MAPKAPK2: variants seen among roughly 807,000 people sequenced by gnomAD.
MAPKAPK2 encodes the protein MAP kinase-activated protein kinase 2.
MAPKAPK2 carries 9 observed loss-of-function variants against 48.8 expected under a neutral mutation model. That is an observed-to-expected ratio of 0.18 (90% CI 0.11 to 0.32). The LOEUF is 0.32. Ranked by LOEUF, MAPKAPK2 falls within the 10% of genes least tolerant of loss-of-function variation. The pLI, the probability that MAPKAPK2 is intolerant of heterozygous loss-of-function variation, is 1.00. For synonymous variants in MAPKAPK2, 202 were observed against 190.6 expected, an observed-to-expected ratio of 1.06 and a Z score of -0.49; for missense variants, 331 against 498.3, an observed-to-expected ratio of 0.66 and a Z score of 3.20.
intron 1 of MAPKAPK2, among the ~76,000 whole-genome samples, chr1:206,713,003 C>CACACACACACACAT (rs1673207778): frequency 6.6e-6 from 1 of 151,264 alleles, no homozygotes; most frequent in Non-Finnish European, 1.5e-5. Context: ...CACACACACA[C>CACACACACACACAT]ACTAATAGGT....
chr1:206,715,013 G>A (rs533554060), intron 1 of MAPKAPK2, among the ~76,000 whole-genome samples: 42 of 152,216 alleles, frequency 2.8e-4, no homozygotes, highest in Non-Finnish European at 3.2e-4. Flanking sequence ...ACTGCCAGCA[G>A]TGGTTCTGGA....
At chr1:206,697,619 C>T (rs1011468569) in intron 1 of MAPKAPK2, among the ~76,000 whole-genome samples, 2 of 152,152 alleles carry the variant, frequency 1.3e-5, no homozygotes, top group African/African-American at 2.4e-5. Context: ...AGGAGGGCAC[C>T]AAGCCATTCA....
intron 1 of MAPKAPK2, among the ~76,000 whole-genome samples, chr1:206,715,694 A>G (rs1184321760): frequency 7.0e-6 from 1 of 142,602 alleles, no homozygotes; most frequent in Non-Finnish European, 1.5e-5. Context: ...TGGTACGATC[A>G]TTGGCTCACT....
In MAPKAPK2 at chr1:206,704,773, T is replaced by C. The variant is rs1191948856; in HGVS notation, c.279+19265T>C. Among the ~76,000 whole-genome samples the C allele has an allele frequency of 1.3e-5, 2 of 152,214 alleles. 1 individual carries two copies. Among genetic ancestry groups the C allele is most frequent in the South Asian group, 4.1e-4 (2 of 4,822 alleles). Reference sequence around the variant, plus strand: ...TGTGTGCACTTCTTAATCTGTCCATTCATCTGTTCACTGCAGGCTTATTGA... The same window carrying C: ...TGTGTGCACTTCTTAATCTGTCCATCCATCTGTTCACTGCAGGCTTATTGA... On this transcript the variant is annotated intron_variant, in intron 1 of 9. Coordinates refer to ENST00000367103, the MANE Select transcript of MAPKAPK2 (RefSeq NM_032960.4). This position sits in a 1 kb window ranked among gnomAD's most constrained non-coding sequence, Gnocchi z 4.3.
Position 206,731,060 on chromosome 1 carries a change from T to C in MAPKAPK2, c.768-78T>C. 1.3e-6 allele frequency: 2 copies of C among 1,569,968 alleles called. No individual in the cohort carries two copies. Among genetic ancestry groups the C allele is most frequent in the Admixed American group, 3.3e-5 (2 of 59,860 alleles). On this transcript the variant is annotated intron_variant, in intron 6 of 9. Transcript: ENST00000367103. This position sits in a 1 kb window ranked among gnomAD's most constrained non-coding sequence, Gnocchi z 5.9. ...TGACCTTTACAAGGAGAAGAGCCTG[T>C]TTCTCATCCTGTTCCTGGTACAGGG...
At chr1:206,705,227 G>C (rs946809107) in intron 1 of MAPKAPK2, among the ~76,000 whole-genome samples, 2 of 152,150 alleles carry the variant, frequency 1.3e-5, no homozygotes, top group Non-Finnish European at 2.9e-5. Flanking sequence ...GTGTATGTAC[G>C]GTGGGTTGGG....
Position 206,732,223 on chromosome 1 carries a change from A to G in MAPKAPK2, c.1059+304A>G. 8.5e-6 allele frequency: 13 copies of G among 1,532,976 alleles called. No individual in the cohort carries two copies. The highest frequency in any genetic ancestry group is 9.7e-6 in the Non-Finnish European group (11 of 1,133,750). The allele number at this position is 1,532,976 out of a possible 1,614,324, so 95.0% of individuals were successfully genotyped here. ...TTTTGCAGAAGAGAAACTGAGGCCC[A>G]GAGGCGGAGGGCAGTCTGCTCAAGG... On this transcript the variant is annotated intron_variant, in intron 9 of 9. Coordinates refer to ENST00000367103, the MANE Select transcript of MAPKAPK2 (RefSeq NM_032960.4). The surrounding 1 kb of genome is among the most constrained non-coding windows in gnomAD (Gnocchi z 4.4).
chr1:206,729,862 C>G lies in MAPKAPK2; in HGVS notation c.565-110C>G, dbSNP rs1005501129. On this transcript the variant is annotated intron_variant, in intron 4 of 9. Transcript: ENST00000367103. ...CGTGGTGGGCAGTGCCCAGGATAGG[C>G]AAATGGTTGCTGGATGAGTAGAGGA... The G allele has an allele frequency of 7.1e-6, 10 of 1,400,042 alleles. No individual in the cohort carries two copies. In the African/African-American group the frequency reaches 1.4e-4, roughly 20 times the overall value. 86.7% of individuals were successfully genotyped at this position (1,400,042 alleles called of 1,614,324 possible).
In MAPKAPK2 at chr1:206,688,260, G is replaced by A. The variant is rs192523977; in HGVS notation, c.279+2752G>A. ...AAACCAAGGCCCAGAGTGAGGGAGT[G>A]ACTTGTTCAAGGTACCATAGCCATT... is the stretch of plus-strand genomic sequence containing the variant. On this transcript the variant is annotated intron_variant, in intron 1 of 9. Coordinates refer to ENST00000367103, the MANE Select transcript of MAPKAPK2 (RefSeq NM_032960.4). Among the ~76,000 whole-genome samples the A allele has an allele frequency of 1.6e-3, 244 of 152,324 alleles. 3 individuals carry two copies. Among genetic ancestry groups the A allele is most frequent in the Non-Finnish European group, 9.8e-4 (67 of 68,022 alleles).
In MAPKAPK2 at chr1:206,731,778, C is replaced by A. The variant is rs1346787148; in HGVS notation, c.978+53C>A. The A allele has an allele frequency of 1.9e-6, 3 of 1,610,628 alleles. No homozygotes were observed. Among genetic ancestry groups the A allele is most frequent in the Non-Finnish European group, 2.5e-6 (3 of 1,176,924 alleles). On this transcript the variant is annotated intron_variant, in intron 8 of 9. Coordinates refer to ENST00000367103, the MANE Select transcript of MAPKAPK2 (RefSeq NM_032960.4). This position sits in a 1 kb window ranked among gnomAD's most constrained non-coding sequence, Gnocchi z 5.9. ...GGTCTCACGGGACTATTCCACAGGA[C>A]AGAGTCTTAGCCAGGACCCTACCCC... is the stretch of plus-strand genomic sequence containing the variant.
At chr1:206,693,956 A>G (rs1553426647) in intron 1 of MAPKAPK2, among the ~76,000 whole-genome samples, 1 of 151,852 alleles carries the variant, frequency 6.6e-6, no homozygotes, top group Non-Finnish European at 1.5e-5. Flanking sequence ...GGTTTCTTCT[A>G]CCTCTTGACT....
chr1:206,696,802 C>T lies in MAPKAPK2; in HGVS notation c.279+11294C>T, dbSNP rs79231444. Among the ~76,000 whole-genome samples, 182 of 152,220 alleles carry T rather than the reference C, an allele frequency of 1.2e-3. 3 individuals carry two copies. In the East Asian group the frequency reaches 0.018, roughly 15 times the overall value. ...ATAACTGAGTAATAGTGGATGCCAC[C>T]GATATTAAATGTGATGTACTAGAGG... On this transcript the variant is annotated intron_variant, in intron 1 of 9. Transcript: ENST00000367103.
At chr1:206,709,666 G>A (rs1254952070) in intron 1 of MAPKAPK2, among the ~76,000 whole-genome samples, 1 of 152,144 alleles carries the variant, frequency 6.6e-6, no homozygotes, top group Non-Finnish European at 1.5e-5. Context: ...GTGTCATTTA[G>A]TTTTTGCCTA....
At chr1:206,689,569 A>G (rs2102372262) in intron 1 of MAPKAPK2, among the ~76,000 whole-genome samples, 1 of 152,340 alleles carries the variant, frequency 6.6e-6, no homozygotes, top group South Asian at 2.1e-4. Context: ...AGTTTGCTGA[A>G]TATCTATCAT....
intron 1 of MAPKAPK2, among the ~76,000 whole-genome samples, chr1:206,708,288 G>C (rs1053157843): frequency 6.6e-6 from 1 of 152,122 alleles, no homozygotes; most frequent in Non-Finnish European, 1.5e-5. Flanking sequence ...GCCACCTCTT[G>C]TTTCCCCTGT....
chr1:206,703,473 T>C (rs561168481), intron 1 of MAPKAPK2, among the ~76,000 whole-genome samples: 1 of 152,286 alleles, frequency 6.6e-6, no homozygotes, highest in South Asian at 2.1e-4. Flanking sequence ...CTGGGGCTGC[T>C]TGGAGAGCAG....
At chr1:206,691,502 T>TATATATACATAC (rs1553426248) in intron 1 of MAPKAPK2, among the ~76,000 whole-genome samples, 1 of 132,734 alleles carries the variant, frequency 7.5e-6, no homozygotes, top group African/African-American at 2.9e-5. Flanking sequence ...TATATATATA[T>TATATATACATAC]ATACACACAT....
chr1:206,685,883 C>T (rs1298689128), intron 1 of MAPKAPK2, among the ~76,000 whole-genome samples: 1 of 152,204 alleles, frequency 6.6e-6, no homozygotes, highest in South Asian at 2.1e-4. Context: ...TCCTCTCCTC[C>T]CTCCTTTTTC....
At chr1:206,728,340 A>G (rs782068405) in intron 1 of MAPKAPK2, among the ~76,000 whole-genome samples, 22 of 151,700 alleles carry the variant, frequency 1.5e-4, no homozygotes, top group Admixed American at 6.6e-4. Flanking sequence ...CCAATACTGT[A>G]TTGGTTTTTC....
Sources: gnomAD v4.1 joint callset for allele counts (sites outside exome capture counted in the v4.1 genomes callset) on GRCh38, gnomAD v4.1.1 for gene constraint, Gnocchi (gnomAD v3.1) non-coding constraint, MANE v1.5 for transcripts, NCBI Gene and HGNC (gene_info 2026-07-23, HGNC 2026-07-21) for gene names.